Variants in MAPK4 observed in about 807,000 individuals in gnomAD.
The protein encoded by MAPK4 is mitogen-activated protein kinase 4.
In MAPK4, 22 loss-of-function variants were observed where a neutral mutation model predicts 47.7. The observed-to-expected ratio is 0.46, with a 90% CI of 0.33 to 0.66. The LOEUF (loss-of-function observed/expected upper bound fraction) is 0.66, where lower values mean the gene tolerates loss of function less well. Among genes scored for constraint, MAPK4 ranks in the 30% least tolerant of loss-of-function variants. The pLI is 0.02. For missense variants in MAPK4, 736 were observed against 831.7 expected, an observed-to-expected ratio of 0.88 and a Z score of 1.42; for synonymous variants, 390 against 365.7, an observed-to-expected ratio of 1.07 and a Z score of -0.76.
At position 50,725,945 on chromosome 18, in the gene MAPK4, G is replaced by A. The variant is rs200514021; in HGVS notation, c.854-17G>A. 87 of 1,610,564 alleles carry A rather than the reference G, an allele frequency of 5.4e-5. No homozygotes were observed. The highest frequency in any genetic ancestry group is 3.1e-4 in the East Asian group (14 of 44,862). ...AGGGCAACAAATGACCTTCATGTCC[G>A]GCTTTGCTCCCTGCAGCCATCGACT... On this transcript the variant is annotated splice_polypyrimidine_tract_variant and intron_variant, in intron 4 of 5. Transcript: ENST00000400384.
chr18:50,668,048 A>G (rs1362581437), intron 2 of MAPK4, among the ~76,000 whole-genome samples: 1 of 152,226 alleles, frequency 6.6e-6, no homozygotes, highest in Non-Finnish European at 1.5e-5. Flanking sequence ...AGAGGAGCTC[A>G]CAGAACTCAG....
intron 1 of MAPK4, among the ~76,000 whole-genome samples, chr18:50,594,503 A>G (rs2042465727): frequency 6.6e-6 from 1 of 152,206 alleles, no homozygotes; most frequent in South Asian, 2.1e-4. Flanking sequence ...TCGACAGGAA[A>G]GGCCTTTATC....
At chr18:50,667,076 T>G (rs1448340130) in intron 2 of MAPK4, among the ~76,000 whole-genome samples, 1 of 152,202 alleles carries the variant, frequency 6.6e-6, no homozygotes, top group Non-Finnish European at 1.5e-5. Context: ...CATGAAGTCT[T>G]TCCGGATTCT....
chr18:50,607,032 T>C (rs1289573042), intron 1 of MAPK4, among the ~76,000 whole-genome samples: 5 of 152,232 alleles, frequency 3.3e-5, no homozygotes, highest in Admixed American at 3.3e-4. Context: ...GCCAGTGCGA[T>C]TTTGATGCTG....
chr18:50,651,470 G>A (rs753667901), intron 1 of MAPK4, among the ~76,000 whole-genome samples: 9 of 152,284 alleles, frequency 5.9e-5, no homozygotes, highest in Non-Finnish European at 8.8e-5. Flanking sequence ...AGATCAATGC[G>A]CTCCCTGGTA....
At chr18:50,560,322 G>T (rs1043362481) in intron 1 of MAPK4, 79 bp downstream of exon 1, 6 of 152,156 alleles carry the variant, frequency 3.9e-5, no homozygotes, top group African/African-American at 1.4e-4. Flanking sequence ...GAGAAGCGGG[G>T]AAGAGATGAG....
intron 1 of MAPK4, among the ~76,000 whole-genome samples, chr18:50,657,003 C>T (rs929921970): frequency 6.6e-6 from 1 of 152,194 alleles, no homozygotes; most frequent in Non-Finnish European, 1.5e-5. Context: ...AGGCGTGGCT[C>T]AGCTCCTCAG....
At chr18:50,563,611 G>A (rs1168709427) in intron 1 of MAPK4, among the ~76,000 whole-genome samples, 3 of 152,250 alleles carry the variant, frequency 2.0e-5, no homozygotes, top group Non-Finnish European at 4.4e-5. Context: ...AGCTGAACTT[G>A]ACTGTAATCT....
Position 50,729,222 on chromosome 18 carries a change from G to A in MAPK4, c.1132G>A (p.Val378Ile), listed in dbSNP as rs769911478. Reference sequence around the variant, plus strand: ...TGACCGGTGCCAGGACGCCAGCGAGGTACAGCGCGACCCGCGCGCGGGTTC... The same window carrying A: ...TGACCGGTGCCAGGACGCCAGCGAGATACAGCGCGACCCGCGCGCGGGTTC... ...RPDRCQDASE[V>I]QRDPRAGSAP... Residue 378 changes from valine to isoleucine, a missense_variant, in exon 6 of 6, where the codon GTA becomes ATA. Around this residue, in one of 3 missense-constraint regions of MAPK4, gnomAD observed 377 missense variants for 378.6 expected, o/e 1.00. Transcript: ENST00000400384. 12 of 1,606,898 alleles carry A rather than the reference G, an allele frequency of 7.5e-6. No individual in the cohort carries two copies. The highest frequency in any genetic ancestry group is 9.4e-6 in the Non-Finnish European group (11 of 1,175,180).
chr18:50,619,706 T>G (rs2042714772), intron 1 of MAPK4, among the ~76,000 whole-genome samples: 1 of 152,236 alleles, frequency 6.6e-6, no homozygotes, highest in Non-Finnish European at 1.5e-5. Context: ...TTCCTGCGTC[T>G]TTTCAGTAAG....
At chr18:50,681,631 T>C (rs1908592154) in intron 2 of MAPK4, among the ~76,000 whole-genome samples, 1 of 152,226 alleles carries the variant, frequency 6.6e-6, no homozygotes, top group African/African-American at 2.4e-5. Context: ...CTTCATTCTT[T>C]TGCATGTGGG....
chr18:50,710,920 A>T (rs1472019058), intron 2 of MAPK4, among the ~76,000 whole-genome samples: 1 of 152,148 alleles, frequency 6.6e-6, no homozygotes, highest in Non-Finnish European at 1.5e-5. Flanking sequence ...CAACCTTCCA[A>T]CTCCCACACG....
At chr18:50,713,102 G>A (rs1910463286) in intron 2 of MAPK4, among the ~76,000 whole-genome samples, 1 of 152,198 alleles carries the variant, frequency 6.6e-6, no homozygotes, top group Non-Finnish European at 1.5e-5. Flanking sequence ...AAGAGCAGTT[G>A]CTAGGGGCTG....
intron 2 of MAPK4, among the ~76,000 whole-genome samples, chr18:50,714,093 A>G (rs1459183089): frequency 6.6e-6 from 1 of 152,228 alleles, no homozygotes; most frequent in African/African-American, 2.4e-5. Context: ...CTTCTGCATC[A>G]GTAGAAAGGA....
chr18:50,619,243 A>G (rs1332634377), intron 1 of MAPK4, among the ~76,000 whole-genome samples: 1 of 152,238 alleles, frequency 6.6e-6, no homozygotes, highest in Non-Finnish European at 1.5e-5. Flanking sequence ...GTGATCAGCC[A>G]TGATTTGTTT....
chr18:50,691,332 T>C (rs370639978), intron 2 of MAPK4, among the ~76,000 whole-genome samples: 13 of 152,074 alleles, frequency 8.5e-5, no homozygotes, highest in African/African-American at 2.9e-4. Flanking sequence ...CCCTGCTAGA[T>C]GGCAAAATGA....
intron 1 of MAPK4, among the ~76,000 whole-genome samples, chr18:50,601,278 G>T (rs544685948): frequency 1.4e-5 from 2 of 145,732 alleles, no homozygotes; most frequent in East Asian, 4.2e-4. Flanking sequence ...AGGTTGCAGT[G>T]AGCCAAGATT....
intron 1 of MAPK4, among the ~76,000 whole-genome samples, chr18:50,590,361 G>T (rs151144786): frequency 2.0e-5 from 3 of 152,124 alleles, no homozygotes; most frequent in African/African-American, 7.2e-5. Flanking sequence ...ACCCAACCCC[G>T]ATAGTGACTT....
intron 1 of MAPK4, among the ~76,000 whole-genome samples, chr18:50,647,074 C>T (rs1302915038): frequency 6.6e-6 from 1 of 152,226 alleles, no homozygotes; most frequent in Non-Finnish European, 1.5e-5. Flanking sequence ...ACTGGATCCT[C>T]ATTGCCTGGT....
Sources: allele counts gnomAD v4.1 joint callset (sites outside exome capture counted in the v4.1 genomes callset), GRCh38; gene constraint gnomAD v4.1.1; regional missense constraint gnomAD v4.1.1; transcripts MANE v1.5; gene names NCBI Gene and HGNC (gene_info 2026-07-23, HGNC 2026-07-21).